Variants in GNAI1 observed in about 807,000 individuals in gnomAD.
The protein encoded by GNAI1 is guanine nucleotide-binding protein G(i) subunit alpha-1.
A neutral mutation model predicts 38.9 loss-of-function variants in GNAI1; 11 were observed. The ratio of observed to expected loss-of-function variants is 0.28; its 90% CI spans 0.18 to 0.47. The LOEUF is 0.47. Among genes scored for constraint, GNAI1 ranks in the 20% least tolerant of loss-of-function variants. The pLI is 0.99. For missense variants in GNAI1, 317 were observed against 436.9 expected, an observed-to-expected ratio of 0.73 and a Z score of 2.45; for synonymous variants, 166 against 145.1, an observed-to-expected ratio of 1.14 and a Z score of -1.04.
At chr7:80,138,166 CTAAAG>C (rs1431446945) in intron 1 of GNAI1, among the ~76,000 whole-genome samples, 4 of 151,510 alleles carry the variant, frequency 2.6e-5, no homozygotes, top group Admixed American at 2.6e-4. Context: ...CATAAAATCT[CTAAAG>C]TACTTTTAAG....
intron 1 of GNAI1, among the ~76,000 whole-genome samples, chr7:80,182,176 C>T (rs915062615): frequency 1.3e-5 from 2 of 152,156 alleles, no homozygotes; most frequent in South Asian, 4.1e-4. Flanking sequence ...TCACGAATGA[C>T]AGGATTTCCT....
intron 1 of GNAI1, among the ~76,000 whole-genome samples, chr7:80,159,213 G>T (rs985525103): frequency 6.6e-6 from 1 of 152,078 alleles, no homozygotes; most frequent in South Asian, 2.1e-4. Flanking sequence ...TTTTTGGGGG[G>T]GCTTACTTGT....
intron 1 of GNAI1, among the ~76,000 whole-genome samples, chr7:80,139,309 A>G (rs1787482265): frequency 6.6e-6 from 1 of 152,002 alleles, no homozygotes; most frequent in Non-Finnish European, 1.5e-5. Flanking sequence ...TGTTCTTTCT[A>G]CTGCAGATAT....
At chr7:80,182,295 G>T (rs1282244664) in intron 1 of GNAI1, among the ~76,000 whole-genome samples, 1 of 152,076 alleles carries the variant, frequency 6.6e-6, no homozygotes, top group Non-Finnish European at 1.5e-5. Flanking sequence ...TGTGAATAAT[G>T]CTGCAGTGAA....
chr7:80,135,438 C>T lies in GNAI1; in HGVS notation c.118+160C>T, dbSNP rs541286176. 3.2e-3 allele frequency: 1,382 copies of T among 434,672 alleles called. 18 individuals carry two copies. The highest frequency in any genetic ancestry group is 0.015 in the African/African-American group (754 of 48,822). The allele number at this position is 434,672 out of a possible 1,614,324, so 26.9% of individuals were successfully genotyped here. On this transcript the variant is annotated intron_variant, in intron 1 of 7. Coordinates refer to ENST00000649796, the MANE Select transcript of GNAI1 (RefSeq NM_002069.6). ...GCGGTGCGGAGGCAAGGCGGGTCCC[C>T]CTCTCCCGGTGTCTGGTCTCTCTCC...
chr7:80,194,158 G>T (rs1788528495), intron 3 of GNAI1, among the ~76,000 whole-genome samples: 1 of 152,144 alleles, frequency 6.6e-6, no homozygotes, highest in Admixed American at 6.5e-5. Context: ...CAAAATTTAG[G>T]AGTCTTGTAT....
intron 1 of GNAI1, among the ~76,000 whole-genome samples, chr7:80,170,778 A>G (rs1788087425): frequency 6.6e-6 from 1 of 152,104 alleles, no homozygotes. Context: ...CACCAGCTCC[A>G]CTTCCAACAT....
At position 80,220,304 on chromosome 7, in the gene GNAI1, GTTATTT is replaced by G. The variant is rs1283175732; in HGVS notation, c.*2817_*2822del. ...GAAGTGTTCATTTGTGTCTGTCAAT[GTTATTT>G]TTATTAGCACTTTTAAAATGGTGTG... On this transcript the variant is annotated 3_prime_UTR_variant, in exon 8 of 8. Coordinates refer to ENST00000649796, the MANE Select transcript of GNAI1 (RefSeq NM_002069.6). Among the ~76,000 whole-genome samples, 3 of 152,162 alleles carry G rather than the reference GTTATTT, an allele frequency of 2.0e-5. No individual in the cohort carries two copies. The highest frequency in any genetic ancestry group is 6.5e-5 in the Admixed American group (1 of 15,282).
At chr7:80,203,048 A>G (rs556259681) in intron 4 of GNAI1, among the ~76,000 whole-genome samples, 3 of 152,328 alleles carry the variant, frequency 2.0e-5, no homozygotes, top group South Asian at 4.1e-4. Flanking sequence ...TTGACACAAG[A>G]TAACTTAATC....
intron 1 of GNAI1, among the ~76,000 whole-genome samples, chr7:80,161,469 A>C (rs910360356): frequency 2.6e-5 from 4 of 152,186 alleles, no homozygotes; most frequent in Non-Finnish European, 5.9e-5. Flanking sequence ...ACAAAGAATG[A>C]GTTTTAAAAA....
chr7:80,144,323 A>G (rs1438361092), intron 1 of GNAI1, among the ~76,000 whole-genome samples: 1 of 151,964 alleles, frequency 6.6e-6, no homozygotes, highest in Non-Finnish European at 1.5e-5. Flanking sequence ...GGAGTTTGAC[A>G]ACTTTCCACA....
intron 1 of GNAI1, among the ~76,000 whole-genome samples, chr7:80,182,654 T>C (rs1320264491): frequency 6.6e-6 from 1 of 152,186 alleles, no homozygotes; most frequent in Non-Finnish European, 1.5e-5. Flanking sequence ...AGGAATCCTC[T>C]TTACAAAAAT....
chr7:80,185,294 A>G (rs908762054), intron 1 of GNAI1, among the ~76,000 whole-genome samples: 5 of 152,200 alleles, frequency 3.3e-5, no homozygotes, highest in Non-Finnish European at 7.3e-5. Flanking sequence ...AACACTGGAT[A>G]CTGACCATTT....
At chr7:80,162,583 A>G (rs1584019149) in intron 1 of GNAI1, among the ~76,000 whole-genome samples, 1 of 152,206 alleles carries the variant, frequency 6.6e-6, no homozygotes, top group Non-Finnish European at 1.5e-5. Flanking sequence ...TTTCAGCTTT[A>G]TATTTTCGAA....
intron 6 of GNAI1, among the ~76,000 whole-genome samples, chr7:80,211,409 T>G (rs1788870660): frequency 6.6e-6 from 1 of 151,320 alleles, no homozygotes; most frequent in Non-Finnish European, 1.5e-5. Context: ...CTTCTGTTAG[T>G]TTAGTAAATC....
intron 3 of GNAI1, among the ~76,000 whole-genome samples, chr7:80,195,206 A>G (rs1788546822): frequency 6.6e-6 from 1 of 151,816 alleles, no homozygotes; most frequent in Admixed American, 6.6e-5. Context: ...ATAAATTTGT[A>G]TATTTATATA....
intron 1 of GNAI1, among the ~76,000 whole-genome samples, chr7:80,182,972 G>T (rs1428521060): frequency 6.6e-6 from 1 of 152,104 alleles, no homozygotes; most frequent in Non-Finnish European, 1.5e-5. Context: ...TTTACATCTT[G>T]GAGCAAGGTG....
Position 80,212,757 on chromosome 7 carries a change from TAAC to T in GNAI1, c.768_770del (p.Asn256del), listed in dbSNP as rs1320345759. On this transcript the variant is annotated inframe_deletion, in exon 7 of 8. Coordinates refer to ENST00000649796, the MANE Select transcript of GNAI1 (RefSeq NM_002069.6). Reference sequence around the variant, plus strand: ...GCATGAAATTGTTTGACAGCATATGTAACAACAAGTGGTTTACAGATACATCCA... The same window carrying T: ...GCATGAAATTGTTTGACAGCATATGTAACAAGTGGTTTACAGATACATCCA... The T allele has an allele frequency of 1.9e-6, 3 of 1,562,578 alleles. No individual in the cohort carries two copies. The highest frequency in any genetic ancestry group is 1.7e-6 in the Non-Finnish European group (2 of 1,160,048).
In GNAI1 at chr7:80,189,003, T is replaced by C. The variant is rs1434803045; in HGVS notation, c.161+10T>C. The C allele has an allele frequency of 6.2e-7, 1 of 1,605,646 alleles. No homozygotes were observed. The highest frequency in any genetic ancestry group is 1.7e-5 in the Admixed American group (1 of 59,988). ...TTGTGAAGCAGATGAAGTAAGTAGA[T>C]TTAAACACCAAATTTGCTGTTTAAG... On this transcript the variant is annotated intron_variant, in intron 2 of 7. Coordinates refer to ENST00000649796, the MANE Select transcript of GNAI1 (RefSeq NM_002069.6).
Sources: allele counts gnomAD v4.1 joint callset (sites outside exome capture counted in the v4.1 genomes callset), GRCh38; gene constraint gnomAD v4.1.1; transcripts MANE v1.5; gene names NCBI Gene and HGNC (gene_info 2026-07-23, HGNC 2026-07-21).